SLC9A9: variants seen among roughly 807,000 people sequenced by gnomAD.
SLC9A9 encodes sodium/hydrogen exchanger 9.
A neutral mutation model predicts 77.8 loss-of-function variants in SLC9A9; 62 were observed. That is an observed-to-expected ratio of 0.80 (90% CI 0.65 to 0.98). SLC9A9 has a LOEUF of 0.98. Among genes scored for constraint, SLC9A9 ranks in the 50% least tolerant of loss-of-function variants. The pLI is 0.00. For synonymous variants in SLC9A9, 320 were observed against 283.5 expected, an observed-to-expected ratio of 1.13 and a Z score of -1.29; for missense variants, 775 against 774.9, an observed-to-expected ratio of 1.00 and a Z score of 0.00.
intron 11 of SLC9A9, among the ~76,000 whole-genome samples, chr3:143,471,362 T>C (rs2035375591): frequency 6.6e-6 from 1 of 152,206 alleles, no homozygotes; most frequent in Non-Finnish European, 1.5e-5. Context: ...TCATTTAAAG[T>C]GTGTGTATTG....
At chr3:143,274,431 G>T (rs1937986392) in intron 14 of SLC9A9, among the ~76,000 whole-genome samples, 1 of 152,104 alleles carries the variant, frequency 6.6e-6, no homozygotes, top group Non-Finnish European at 1.5e-5. Context: ...GGACACTAAA[G>T]ATTGCTACAT....
chr3:143,380,764 C>G (rs962630802), intron 13 of SLC9A9, among the ~76,000 whole-genome samples: 5 of 152,212 alleles, frequency 3.3e-5, no homozygotes, highest in African/African-American at 9.6e-5. Context: ...GGATCATCAC[C>G]AACTTAATTT....
chr3:143,740,647 C>T (rs1424355658), intron 4 of SLC9A9, among the ~76,000 whole-genome samples: 4 of 152,076 alleles, frequency 2.6e-5, no homozygotes, highest in African/African-American at 9.7e-5. Flanking sequence ...GATCATACCT[C>T]CCCATTGGGA....
intron 6 of SLC9A9, among the ~76,000 whole-genome samples, chr3:143,636,257 G>T (rs1186951059): frequency 2.0e-5 from 3 of 152,056 alleles, no homozygotes; most frequent in Non-Finnish European, 4.4e-5. Flanking sequence ...AGATTTTTAA[G>T]ATGCTATTAT....
intron 9 of SLC9A9, among the ~76,000 whole-genome samples, chr3:143,533,462 C>T (rs2108623576): frequency 6.6e-6 from 1 of 152,208 alleles, no homozygotes; most frequent in East Asian, 1.9e-4. Flanking sequence ...AGTCATAGAT[C>T]CAAAGCAGAA....
intron 7 of SLC9A9, among the ~76,000 whole-genome samples, chr3:143,576,131 C>T (rs1356291117): frequency 1.3e-5 from 2 of 152,216 alleles, no homozygotes; most frequent in African/African-American, 2.4e-5. Flanking sequence ...CTCCACTTAG[C>T]GTAGCCTCCA....
chr3:143,456,722 G>C (rs1481552782), intron 12 of SLC9A9, among the ~76,000 whole-genome samples: 33 of 151,894 alleles, frequency 2.2e-4, no homozygotes, highest in Non-Finnish European at 1.5e-5. Flanking sequence ...CTGTCACCAT[G>C]CCTGACTAAT....
At chr3:143,499,385 T>G (rs1158255331) in intron 9 of SLC9A9, among the ~76,000 whole-genome samples, 4 of 152,178 alleles carry the variant, frequency 2.6e-5, no homozygotes, top group Non-Finnish European at 5.9e-5. Context: ...AGATATTTGA[T>G]GTTTCTTGTT....
chr3:143,733,056 A>G (rs1192294133), intron 4 of SLC9A9, among the ~76,000 whole-genome samples: 1 of 152,162 alleles, frequency 6.6e-6, no homozygotes, highest in Non-Finnish European at 1.5e-5. Flanking sequence ...ATTTTTCCCA[A>G]GTAATTTCTT....
At chr3:143,510,437 A>G (rs893776931) in intron 9 of SLC9A9, among the ~76,000 whole-genome samples, 5 of 152,230 alleles carry the variant, frequency 3.3e-5, no homozygotes, top group Non-Finnish European at 7.3e-5. Context: ...CATTTTATAG[A>G]ATGATTCTTT....
chr3:143,838,459 C>T (rs1231220110), intron 1 of SLC9A9, among the ~76,000 whole-genome samples: 4 of 151,968 alleles, frequency 2.6e-5, no homozygotes, highest in East Asian at 3.9e-4. Flanking sequence ...GAGGAAGAAT[C>T]GAGCGAGTTC....
chr3:143,538,140 C>T (rs1234189763), intron 9 of SLC9A9, among the ~76,000 whole-genome samples: 1 of 152,124 alleles, frequency 6.6e-6, no homozygotes, highest in Non-Finnish European at 1.5e-5. Context: ...GCCAGTATAT[C>T]CAAGTCCTAC....
rs575495262 is a variant in SLC9A9 at position 143,473,232 on chromosome 3, C to T, written c.1316-6042G>A. Among the ~76,000 whole-genome samples, 178 of 152,312 alleles carry T rather than the reference C, an allele frequency of 1.2e-3. 1 individual carries two copies. Among genetic ancestry groups the T allele is most frequent in the Non-Finnish European group, 2.0e-3 (138 of 68,030 alleles). On this transcript the variant is annotated intron_variant, in intron 11 of 15. Transcript: ENST00000316549. The stretch of plus-strand genomic sequence containing the variant: ...CTGGTCTTGGCCTCAAGCCTCTATT[C>T]TCTTCTTCTTCCAGTCCATCTTGTT...
chr3:143,402,630 A>AT (rs889860380), intron 12 of SLC9A9, among the ~76,000 whole-genome samples: 58 of 151,930 alleles, frequency 3.8e-4, no homozygotes, highest in African/African-American at 1.4e-3. Context: ...TCATCTCTCC[A>AT]TATGTCATAA....
chr3:143,780,030 G>A (rs534787250), intron 4 of SLC9A9, among the ~76,000 whole-genome samples: 11 of 152,326 alleles, frequency 7.2e-5, no homozygotes, highest in African/African-American at 2.6e-4. Flanking sequence ...GTGGAGCTCA[G>A]TGGATAACCT....
intron 6 of SLC9A9, among the ~76,000 whole-genome samples, chr3:143,644,590 C>T (rs142910491): frequency 2.6e-5 from 4 of 152,188 alleles, no homozygotes; most frequent in East Asian, 1.9e-4. Context: ...GGCAGCACAC[C>T]GAGCACACAA....
chr3:143,718,372 C>T (rs1934409463), intron 4 of SLC9A9, among the ~76,000 whole-genome samples: 1 of 151,934 alleles, frequency 6.6e-6, no homozygotes, highest in Non-Finnish European at 1.5e-5. Context: ...GTTTTCTTTG[C>T]ATACTTGTTT....
At chr3:143,728,596 T>C (rs1934722112) in intron 4 of SLC9A9, among the ~76,000 whole-genome samples, 1 of 152,010 alleles carries the variant, frequency 6.6e-6, no homozygotes, top group East Asian at 1.9e-4. Flanking sequence ...CATGGGAAGG[T>C]GTGTGGCCTG....
Position 143,785,697 on chromosome 3 carries a change from G to A in SLC9A9, c.533+9304C>T, listed in dbSNP as rs529589487. ...ATCTGAATGGAGTTGATGTGTGTGA[G>A]CGTGTGTGTGTAGAAGCAGAGTCAC... On this transcript the variant is annotated intron_variant, in intron 4 of 15. Transcript: ENST00000316549. Among the ~76,000 whole-genome samples, 4 of 152,124 alleles carry A rather than the reference G, an allele frequency of 2.6e-5. No homozygotes were observed. In the South Asian group the frequency reaches 8.3e-4, roughly 32 times the overall value.
Sources: allele counts gnomAD v4.1 joint callset (sites outside exome capture counted in the v4.1 genomes callset), GRCh38; gene constraint gnomAD v4.1.1; transcripts MANE v1.5; gene names NCBI Gene and HGNC (gene_info 2026-07-23, HGNC 2026-07-21).